DIRAS2: variants seen among roughly 807,000 people sequenced by gnomAD.
The protein encoded by DIRAS2 is GTP-binding protein Di-Ras2.
A neutral mutation model predicts 13.9 loss-of-function variants in DIRAS2; 5 were observed. The observed-to-expected ratio is 0.36, with a 90% CI of 0.19 to 0.76. DIRAS2 has a LOEUF of 0.76. DIRAS2 is among the 30% of genes least tolerant of loss of function. The pLI is 0.53. For synonymous variants in DIRAS2, 111 were observed against 105.4 expected (o/e 1.05, Z -0.33); for missense variants, 191 against 263.0 (o/e 0.73, Z 1.89).
rs948743216 is a variant in DIRAS2 at position 90,610,352 on chromosome 9, T to C, written c.*2876A>G. 2 of 398,798 alleles carry C rather than the reference T, an allele frequency of 5.0e-6. No homozygotes were observed. Among genetic ancestry groups the C allele is most frequent in the African/African-American group, 2.1e-5 (1 of 48,594 alleles). 24.7% of individuals were successfully genotyped at this position (398,798 alleles called of 1,614,324 possible). A position where few individuals can be genotyped will look rare whatever the true frequency, so the allele number is the denominator to read the frequency against. On this transcript the variant is annotated 3_prime_UTR_variant, in exon 2 of 2. Transcript: ENST00000375765. ...ATTATATATTTTATATACATGTAAT[T>C]TTAGATAGAATGAACAATTCAATAT...
At chr9:90,638,674 G>T (rs1249197644) in intron 1 of DIRAS2, among the ~76,000 whole-genome samples, 3 of 151,842 alleles carry the variant, frequency 2.0e-5, no homozygotes. Flanking sequence ...ACGTAATTGG[G>T]GTGGTAGGTA....
At chr9:90,635,402 A>G (rs1358069933) in intron 1 of DIRAS2, among the ~76,000 whole-genome samples, 1 of 152,274 alleles carries the variant, frequency 6.6e-6, no homozygotes. Context: ...CTAACCTAAA[A>G]TATTGCGAAG....
intron 1 of DIRAS2, among the ~76,000 whole-genome samples, chr9:90,635,907 C>T (rs1320913963): frequency 4.6e-5 from 7 of 151,920 alleles, no homozygotes; most frequent in Non-Finnish European, 7.4e-5. Flanking sequence ...CATCTGCAGT[C>T]TCAGGATTCC....
At chr9:90,638,024 A>G (rs1277977153) in intron 1 of DIRAS2, among the ~76,000 whole-genome samples, 1 of 152,190 alleles carries the variant, frequency 6.6e-6, no homozygotes, top group African/African-American at 2.4e-5. Context: ...TGTCTTCTGG[A>G]CAGAAATTTA....
chr9:90,638,177 TACA>T (rs993134426), intron 1 of DIRAS2, among the ~76,000 whole-genome samples: 7 of 152,228 alleles, frequency 4.6e-5, no homozygotes, highest in African/African-American at 1.7e-4. Flanking sequence ...AAATATTTGT[TACA>T]ACAACTTGAT....
At chr9:90,626,570 C>T (rs1241841951) in intron 1 of DIRAS2, among the ~76,000 whole-genome samples, 1 of 151,926 alleles carries the variant, frequency 6.6e-6, no homozygotes, top group African/African-American at 2.4e-5. Context: ...CAGTGAAGTA[C>T]TACAATGAAG....
chr9:90,627,004 G>A (rs1339239928), intron 1 of DIRAS2, among the ~76,000 whole-genome samples: 3 of 152,054 alleles, frequency 2.0e-5, no homozygotes, highest in Non-Finnish European at 2.9e-5. Context: ...TTGGATCATG[G>A]GGGCAGATCC....
At chr9:90,635,988 T>A (rs1825366199) in intron 1 of DIRAS2, among the ~76,000 whole-genome samples, 1 of 150,440 alleles carries the variant, frequency 6.6e-6, no homozygotes, top group Non-Finnish European at 1.5e-5. Context: ...CAGTGGAATC[T>A]GGAATTGTCC....
chr9:90,615,473 C>T (rs879458312), intron 1 of DIRAS2, among the ~76,000 whole-genome samples: 6 of 152,122 alleles, frequency 3.9e-5, no homozygotes, highest in Non-Finnish European at 5.9e-5. Context: ...TTATTAAATG[C>T]TTATGAGATA....
rs1428801862 is a variant in DIRAS2 at position 90,612,583 on chromosome 9, A to G, written c.*645T>C. On this transcript the variant is annotated 3_prime_UTR_variant, in exon 2 of 2. Coordinates refer to ENST00000375765, the MANE Select transcript of DIRAS2 (RefSeq NM_017594.5). ...TGCACTTATCCCTGCACATGAAGAT[A>G]AATACTCTAATAGCTTAAAATGATA... The G allele has an allele frequency of 6.5e-6, 1 of 153,096 alleles. No homozygotes were observed. The highest frequency in any genetic ancestry group is 2.4e-5 in the African/African-American group (1 of 41,444). 9.5% of individuals were successfully genotyped at this position (153,096 alleles called of 1,614,324 possible). A position where few individuals can be genotyped will look rare whatever the true frequency, so the allele number is the denominator to read the frequency against.
At chr9:90,636,038 T>TG (rs1825367227) in intron 1 of DIRAS2, among the ~76,000 whole-genome samples, 1 of 128,684 alleles carries the variant, frequency 7.8e-6, no homozygotes, top group South Asian at 2.8e-4. Flanking sequence ...TTTTTTTTTT[T>TG]TTTTTTTTTT....
chr9:90,637,966 C>T (rs1825385538), intron 1 of DIRAS2, among the ~76,000 whole-genome samples: 2 of 152,194 alleles, frequency 1.3e-5, no homozygotes, highest in African/African-American at 2.4e-5. Context: ...TAGGCCTCAT[C>T]TGAAATATGT....
chr9:90,635,196 C>T (rs922114896), intron 1 of DIRAS2, among the ~76,000 whole-genome samples: 2 of 152,180 alleles, frequency 1.3e-5, no homozygotes, highest in African/African-American at 2.4e-5. Flanking sequence ...GTCTAGGCTT[C>T]GGTTAAAACA....
chr9:90,617,019 T>C (rs1825176292), intron 1 of DIRAS2, among the ~76,000 whole-genome samples: 1 of 152,180 alleles, frequency 6.6e-6, no homozygotes, highest in South Asian at 2.1e-4. Context: ...GGGCTGGAAC[T>C]TGCCAGATGG....
intron 1 of DIRAS2, among the ~76,000 whole-genome samples, chr9:90,630,712 T>C (rs1292229535): frequency 6.6e-6 from 1 of 152,242 alleles, no homozygotes; most frequent in African/African-American, 2.4e-5. Context: ...GTTTTAAGTT[T>C]ATTGATGTTT....
rs1216532993 is a variant in DIRAS2, at chr9:90,610,055, T to C, written c.*3173A>G. 1 of 191,936 alleles carries C rather than the reference T, an allele frequency of 5.2e-6. No homozygotes were observed. The highest frequency in any genetic ancestry group is 2.3e-5 in the African/African-American group (1 of 43,198). 11.9% of individuals were successfully genotyped at this position (191,936 alleles called of 1,614,324 possible). On this transcript the variant is annotated 3_prime_UTR_variant, in exon 2 of 2. Coordinates refer to ENST00000375765, the MANE Select transcript of DIRAS2 (RefSeq NM_017594.5). ...CTGCAAATACTTTGTATACACACTG[T>C]CCTTGTGGGGTATGAATTCCAGGAT...
chr9:90,615,259 T>C (rs112549242), intron 1 of DIRAS2, among the ~76,000 whole-genome samples: 12 of 152,324 alleles, frequency 7.9e-5, no homozygotes, highest in African/African-American at 2.4e-4. Context: ...TGGACTGAGG[T>C]ATTCCACCTT....
intron 1 of DIRAS2, among the ~76,000 whole-genome samples, chr9:90,635,028 T>C (rs571109405): frequency 2.6e-5 from 4 of 152,316 alleles, no homozygotes; most frequent in African/African-American, 9.6e-5. Flanking sequence ...ATAGCCCCGT[T>C]TTACAGATAA....
At chr9:90,617,045 C>T (rs1053059250) in intron 1 of DIRAS2, among the ~76,000 whole-genome samples, 3 of 152,084 alleles carry the variant, frequency 2.0e-5, no homozygotes, top group African/African-American at 4.8e-5. Flanking sequence ...TGATGAAAGG[C>T]GTGTTAGTCA....
Sources: allele counts gnomAD v4.1 joint callset (sites outside exome capture counted in the v4.1 genomes callset), GRCh38; gene constraint gnomAD v4.1.1; transcripts MANE v1.5; gene names NCBI Gene and HGNC (gene_info 2026-07-23, HGNC 2026-07-21).